Variants in SATL1 observed in about 807,000 individuals in gnomAD.
The protein encoded by SATL1 is spermidine/spermine N(1)-acetyltransferase-like protein 1.
In SATL1, 47 loss-of-function variants were observed where a neutral mutation model predicts 51.8. The ratio of observed to expected loss-of-function variants is 0.91; its 90% CI spans 0.72 to 1.16. The LOEUF (loss-of-function observed/expected upper bound fraction) is 1.16. Ranked by LOEUF, SATL1 falls within the 50% of genes most tolerant of loss-of-function variation. The probability of loss-of-function intolerance (pLI) is 0.00; values close to 1 mark genes in which losing one functional copy is unlikely to be tolerated. For missense variants in SATL1, 520 were observed against 526.4 expected (o/e 0.99, Z 0.12); for synonymous variants, 176 against 182.4 (o/e 0.97, Z 0.28).
chrX:85,100,695 A>G (rs1924870128), intron 4 of SATL1, among the ~76,000 whole-genome samples: 1 of 112,220 alleles, frequency 8.9e-6, no homozygotes, highest in African/African-American at 3.2e-5. Context: ...ACAGAAATAG[A>G]AAAGCTGATC....
In SATL1 at chrX:85,166,768, G is replaced by A. The variant is rs374755639; in HGVS notation, c.-313+57437C>T. ...AGCTACGATTTGATCCAGCAATCCC[G>A]CTGCTGGGTATCTACCCAGAGGAAA... On this transcript the variant is annotated intron_variant, in intron 2 of 7. Coordinates refer to ENST00000644105, the MANE Select transcript of SATL1 (RefSeq NM_001367857.2). 1.5e-4 allele frequency among the ~76,000 whole-genome samples: 16 copies of A among 109,955 alleles called. No homozygotes were observed. The East Asian group carries it at 3.2e-3, about 22-fold the overall frequency.
rs151182244 is a variant in SATL1, at chrX:85,170,481, G to A, written c.-313+53724C>T. ...GATGATTCAAAGCAATCTATGTACC[G>A]ATGAAAAGCAAACAGTATGTCTTAC... On this transcript the variant is annotated intron_variant, in intron 2 of 7. Transcript: ENST00000644105. 5.8e-4 allele frequency among the ~76,000 whole-genome samples: 65 copies of A among 111,362 alleles called. 1 individual carries two copies. The highest frequency in any genetic ancestry group is 2.0e-3 in the African/African-American group (62 of 30,863).
intron 2 of SATL1, among the ~76,000 whole-genome samples, chrX:85,187,902 A>G (rs772787921): frequency 8.1e-5 from 9 of 110,686 alleles, no homozygotes; most frequent in Non-Finnish European, 1.3e-4. Context: ...AAGAATTTTC[A>G]TTAATTTCTC....
At chrX:85,238,729 C>T (rs1412435885) in intron 1 of SATL1, among the ~76,000 whole-genome samples, 2 of 111,367 alleles carry the variant, frequency 1.8e-5, no homozygotes, top group African/African-American at 3.3e-5. Flanking sequence ...TGGAGTGTCA[C>T]ACAAAGAAAT....
At chrX:85,170,740 T>C (rs1926955079) in intron 2 of SATL1, among the ~76,000 whole-genome samples, 1 of 111,655 alleles carries the variant, frequency 9.0e-6, no homozygotes, top group Non-Finnish European at 1.9e-5. Context: ...GCAAATGCGC[T>C]TAAAACAATA....
intron 2 of SATL1, among the ~76,000 whole-genome samples, chrX:85,179,385 TC>T (rs1927152894): frequency 8.9e-6 from 1 of 111,949 alleles, no homozygotes; most frequent in Non-Finnish European, 1.9e-5. Flanking sequence ...TGTTTCTGTT[TC>T]CTCATTTTCC....
chrX:85,125,349 G>T (rs993726009), intron 2 of SATL1, among the ~76,000 whole-genome samples: 1 of 111,259 alleles, frequency 9.0e-6, no homozygotes, highest in Non-Finnish European at 1.9e-5. Flanking sequence ...ATTGATTTTT[G>T]TTTTAGTTTT....
intron 1 of SATL1, among the ~76,000 whole-genome samples, chrX:85,235,340 C>T (rs1272601868): frequency 9.0e-6 from 1 of 111,193 alleles, no homozygotes; most frequent in Non-Finnish European, 1.9e-5. Context: ...TTAATCTGCA[C>T]TATAGACCAA....
chrX:85,145,312 T>C (rs915724718), intron 2 of SATL1, among the ~76,000 whole-genome samples: 2 of 111,730 alleles, frequency 1.8e-5, no homozygotes, highest in African/African-American at 6.5e-5. Flanking sequence ...ATGTCTGTCT[T>C]TCTCTTGTAT....
chrX:85,104,792 A>T (rs73627321), intron 3 of SATL1, among the ~76,000 whole-genome samples: 1,902 of 111,758 alleles, frequency 0.017, 35 homozygotes, highest in African/African-American at 0.058. Context: ...TACAATGTAA[A>T]TATTATGTAA....
intron 2 of SATL1, among the ~76,000 whole-genome samples, chrX:85,157,539 C>T (rs1383287126): frequency 9.0e-6 from 1 of 111,150 alleles, no homozygotes; most frequent in Non-Finnish European, 1.9e-5. Context: ...TAAGGATTCA[C>T]TTTTTCTTAG....
At chrX:85,141,853 C>A (rs182240812) in intron 2 of SATL1, among the ~76,000 whole-genome samples, 116 of 108,318 alleles carry the variant, frequency 1.1e-3, no homozygotes, top group Non-Finnish European at 1.8e-3. Context: ...TATCTTATTT[C>A]TTACTAAAAA....
chrX:85,125,398 T>G (rs1441901652), intron 2 of SATL1, among the ~76,000 whole-genome samples: 1 of 111,091 alleles, frequency 9.0e-6, no homozygotes, highest in Non-Finnish European at 1.9e-5. Flanking sequence ...GAAGTGACAA[T>G]TACACTGAGT....
At chrX:85,194,263 T>C (rs1458804973) in intron 2 of SATL1, among the ~76,000 whole-genome samples, 1 of 111,361 alleles carries the variant, frequency 9.0e-6, no homozygotes, top group Non-Finnish European at 1.9e-5. Context: ...GAGAGGAGAA[T>C]TGAAGGATTT....
chrX:85,168,690 A>G (rs1484059529), intron 2 of SATL1, among the ~76,000 whole-genome samples: 1 of 112,048 alleles, frequency 8.9e-6, no homozygotes, highest in Non-Finnish European at 1.9e-5. Flanking sequence ...TAAAATGGCC[A>G]TACTTCCCAA....
intron 2 of SATL1, among the ~76,000 whole-genome samples, chrX:85,148,788 C>T: frequency 9.0e-6 from 1 of 111,232 alleles, no homozygotes. Flanking sequence ...CACCACCAGG[C>T]CTGCCCTAAA....
intron 4 of SATL1, among the ~76,000 whole-genome samples, chrX:85,096,464 G>A (rs1407407126): frequency 9.0e-6 from 1 of 111,190 alleles, no homozygotes; most frequent in Non-Finnish European, 1.9e-5. Context: ...GGACTTAACA[G>A]GAGAGAGGGA....
At chrX:85,130,033 C>G (rs889287106) in intron 2 of SATL1, among the ~76,000 whole-genome samples, 42 of 111,860 alleles carry the variant, frequency 3.8e-4, no homozygotes, top group Admixed American at 2.5e-3. Context: ...TGATGTGCTG[C>G]TGAATTCGTT....
intron 2 of SATL1, among the ~76,000 whole-genome samples, chrX:85,198,277 T>C (rs1022676254): frequency 8.9e-6 from 1 of 112,211 alleles, no homozygotes; most frequent in Non-Finnish European, 1.9e-5. Flanking sequence ...TTGTGAATAT[T>C]GCTGCAATAG....
Sources: gnomAD v4.1 joint callset for allele counts (sites outside exome capture counted in the v4.1 genomes callset) on GRCh38, gnomAD v4.1.1 for gene constraint, MANE v1.5 for transcripts, NCBI Gene and HGNC (gene_info 2026-07-23, HGNC 2026-07-21) for gene names.